WDR20: variants seen among roughly 807,000 people sequenced by gnomAD.
WDR20 encodes the protein WD repeat domain 20.
WDR20 carries 3 observed loss-of-function variants against 38.7 expected under a neutral mutation model. That is an observed-to-expected ratio of 0.08 (90% CI 0.04 to 0.20). The LOEUF (loss-of-function observed/expected upper bound fraction) is 0.20, where lower values mean the gene tolerates loss of function less well. Among genes scored for constraint, WDR20 ranks in the 10% least tolerant of loss-of-function variants. The pLI, the probability that WDR20 is intolerant of heterozygous loss-of-function variation, is 1.00. For missense variants in WDR20, 559 were observed against 727.7 expected (o/e 0.77, Z 2.67); for synonymous variants, 298 against 285.6 (o/e 1.04, Z -0.44).
At chr14:102,184,447 GAAC>G (rs753033438) in intron 1 of WDR20, among the ~76,000 whole-genome samples, 15 of 152,316 alleles carry the variant, frequency 9.8e-5, no homozygotes, top group Admixed American at 3.3e-4. Context: ...TGACATGTGA[GAAC>G]AACAGAAGCT....
intron 1 of WDR20, among the ~76,000 whole-genome samples, chr14:102,141,568 AC>A (rs769905576): frequency 4.4e-4 from 67 of 152,058 alleles, no homozygotes; most frequent in Non-Finnish European, 8.4e-4. Context: ...CCTACTCCCA[AC>A]TTTGTCACTG....
At chr14:102,177,068 A>G (rs1470631408) in intron 1 of WDR20, among the ~76,000 whole-genome samples, 8 of 152,070 alleles carry the variant, frequency 5.3e-5, no homozygotes, top group Non-Finnish European at 1.2e-4. Flanking sequence ...CTTGCCCGAG[A>G]TTTGTAATGG....
chr14:102,166,512 C>T (rs2059817982), intron 1 of WDR20, among the ~76,000 whole-genome samples: 1 of 152,122 alleles, frequency 6.6e-6, no homozygotes. Context: ...TTTATGACTG[C>T]CCCTCTTATT....
At chr14:102,215,754 C>A (rs756499027), downstream of WDR20, among the ~76,000 whole-genome samples, 3 of 152,158 alleles carry the variant, frequency 2.0e-5, no homozygotes, top group Non-Finnish European at 2.9e-5. Context: ...AGACACCAGG[C>A]CCGTCGTCGG....
chr14:102,176,494 C>A (rs1403001571), intron 1 of WDR20, among the ~76,000 whole-genome samples: 2 of 152,104 alleles, frequency 1.3e-5, no homozygotes, highest in Non-Finnish European at 1.5e-5. Context: ...GTCAAGAAAT[C>A]GAGACTATCC....
chr14:102,139,830 G>T, upstream of WDR20: 1 of 1,541,332 alleles, frequency 6.5e-7, no homozygotes, highest in Non-Finnish European at 8.8e-7. Flanking sequence ...AGAAGGAAGA[G>T]GCAGGGGGTG....
intron 2 of WDR20, among the ~76,000 whole-genome samples, chr14:102,195,666 T>A (rs1362269691): frequency 6.6e-6 from 1 of 152,262 alleles, no homozygotes; most frequent in African/African-American, 2.4e-5. Flanking sequence ...TTGCCAGTGT[T>A]GTAGTATGTA....
At chr14:102,147,381 C>A (rs926987334) in intron 1 of WDR20, among the ~76,000 whole-genome samples, 1 of 152,100 alleles carries the variant, frequency 6.6e-6, no homozygotes, top group African/African-American at 2.4e-5. Context: ...AAAGCGAGAC[C>A]TTCCCAAAAA....
chr14:102,216,140 G>C (rs2063189803), downstream of WDR20, among the ~76,000 whole-genome samples: 1 of 152,194 alleles, frequency 6.6e-6, no homozygotes. Flanking sequence ...TGCTGTCTCT[G>C]GAGTGCGGGG....
At chr14:102,159,168 C>T (rs1162028034) in intron 1 of WDR20, among the ~76,000 whole-genome samples, 2 of 152,054 alleles carry the variant, frequency 1.3e-5, no homozygotes, top group Non-Finnish European at 2.9e-5. Flanking sequence ...TGGTCTTGAA[C>T]TCCTGGGCTC....
chr14:102,214,975 A>G (rs140207876), downstream of WDR20: 1 of 985,114 alleles, frequency 1.0e-6, no homozygotes, highest in Admixed American at 6.2e-5. Context: ...GTATACTGAC[A>G]TTAAATAAAC....
intron 1 of WDR20, among the ~76,000 whole-genome samples, chr14:102,162,148 C>T (rs2058877430): frequency 6.6e-6 from 1 of 152,198 alleles, no homozygotes; most frequent in Non-Finnish European, 1.5e-5. Context: ...AGGTCTTGCA[C>T]TGGTCTAGGT....
chr14:102,204,206 G>T (rs976311555), intron 2 of WDR20, among the ~76,000 whole-genome samples: 3 of 152,138 alleles, frequency 2.0e-5, no homozygotes, highest in Admixed American at 6.5e-5. Flanking sequence ...CACTGGTTCG[G>T]CTGTGTCTCT....
At chr14:102,139,706 G>A (rs1053118269), upstream of WDR20, 84 of 707,074 alleles carry the variant, frequency 1.2e-4, no homozygotes, top group Non-Finnish European at 6.2e-5. Flanking sequence ...GCCTGCGGAC[G>A]CCCAGTCGGG....
chr14:102,186,043 C>G (rs2064620350), intron 1 of WDR20, among the ~76,000 whole-genome samples: 1 of 152,194 alleles, frequency 6.6e-6, no homozygotes, highest in Non-Finnish European at 1.5e-5. Context: ...AACACTGAAA[C>G]TGTACAATTG....
At chr14:102,141,502 C>A (rs1204414826) in intron 1 of WDR20, among the ~76,000 whole-genome samples, 1 of 150,446 alleles carries the variant, frequency 6.6e-6, no homozygotes, top group Non-Finnish European at 1.5e-5. Flanking sequence ...TTTTTTTCCT[C>A]GTTTGGAATT....
In WDR20 at chr14:102,222,247, C is replaced by T. The variant is rs2063978998; in HGVS notation, c.1693-583C>T. On this transcript the variant is annotated intron_variant, in intron 3 of 3. Coordinates refer to the WDR20 transcript ENST00000335263. This position sits in a 1 kb window ranked among gnomAD's most constrained non-coding sequence, Gnocchi z 4.4. ...AGACTACTTTGTTCTGGGGCTCCCC[C>T]GACCTCGGCCTGGGCCCTGCTGTCT... is the stretch of plus-strand genomic sequence containing the variant. Among the ~76,000 whole-genome samples the T allele has an allele frequency of 6.6e-6, 1 of 152,208 alleles. No individual in the cohort carries two copies. The highest frequency in any genetic ancestry group is 6.5e-5 in the Admixed American group (1 of 15,278).
chr14:102,141,415 G>A (rs1384775027), intron 1 of WDR20, among the ~76,000 whole-genome samples: 1 of 152,020 alleles, frequency 6.6e-6, no homozygotes. Flanking sequence ...TTTTTTCTTA[G>A]TCTTTATGAT....
chr14:102,152,348 T>C (rs1056081389), intron 1 of WDR20, among the ~76,000 whole-genome samples: 1 of 152,076 alleles, frequency 6.6e-6, no homozygotes, highest in Non-Finnish European at 1.5e-5. Flanking sequence ...TAATAACATA[T>C]TAATCATGTT....
Sources: allele counts gnomAD v4.1 joint callset (sites outside exome capture counted in the v4.1 genomes callset), GRCh38; gene constraint gnomAD v4.1.1; non-coding constraint Gnocchi (gnomAD v3.1); transcripts MANE v1.5; gene names NCBI Gene and HGNC (gene_info 2026-07-23, HGNC 2026-07-21).